ME3: variants seen among roughly 807,000 people sequenced by gnomAD.
ME3 encodes the protein NADP-dependent malic enzyme, mitochondrial.
In ME3, 48 loss-of-function variants were observed where a neutral mutation model predicts 68.9. The observed-to-expected ratio is 0.70, with a 90% CI of 0.55 to 0.89. ME3 has a LOEUF of 0.89. Ranked by LOEUF, ME3 falls within the 40% of genes least tolerant of loss-of-function variation. The pLI is 0.00. For synonymous variants in ME3, 320 were observed against 318.8 expected, an observed-to-expected ratio of 1.00 and a Z score of -0.04; for missense variants, 675 against 797.4, an observed-to-expected ratio of 0.85 and a Z score of 1.85.
chr11:86,575,446 T>G (rs1413840837), intron 2 of ME3, among the ~76,000 whole-genome samples: 1 of 147,514 alleles, frequency 6.8e-6, no homozygotes, highest in Non-Finnish European at 1.5e-5. Flanking sequence ...TGTAGGTGAT[T>G]CAGCAAAGAT....
chr11:86,643,309 G>A (rs1412513262), intron 2 of ME3, among the ~76,000 whole-genome samples: 2 of 25,446 alleles, frequency 7.9e-5, no homozygotes, highest in Non-Finnish European at 1.8e-4. Flanking sequence ...AGCAGCCCAT[G>A]CCCCCTACCC....
exon 5 of ME3, chr11:86,508,834 A>G: frequency 6.2e-6 from 10 of 1,613,808 alleles, no homozygotes; most frequent in Non-Finnish European, 8.5e-6. Flanking sequence ...TTGTTGCAAG[A>G]TGACCTTTGT....
chr11:86,450,965 C>T (rs1949599413), intron 8 of ME3, among the ~76,000 whole-genome samples: 3 of 152,296 alleles, frequency 2.0e-5, no homozygotes, highest in South Asian at 4.1e-4. Flanking sequence ...ACTTCTTCTC[C>T]CTGAATCCAC....
rs570114793 is a variant in ME3, at chr11:86,520,442, GAAAC to G, written c.468-11579_468-11576del. Reference sequence around the variant, plus strand: ...GTGGTTTTCTGATCTAGTCAGATCAGAAACAAACAAACAAAAAACCCCAAAAAAC... The same window carrying G: ...GTGGTTTTCTGATCTAGTCAGATCAGAAACAAACAAAAAACCCCAAAAAAC... On this transcript the variant is annotated intron_variant, in intron 4 of 14. Transcript: ENST00000543262. Among the ~76,000 whole-genome samples the G allele has an allele frequency of 3.6e-3, 555 of 152,302 alleles. 2 individuals carry two copies. The highest frequency in any genetic ancestry group is 5.4e-3 in the Non-Finnish European group (364 of 68,006).
At chr11:86,604,521 G>T (rs1031541383) in intron 2 of ME3, among the ~76,000 whole-genome samples, 1 of 152,100 alleles carries the variant, frequency 6.6e-6, no homozygotes, top group Non-Finnish European at 1.5e-5. Context: ...TTGTTCTGTT[G>T]AGAAACAACT....
chr11:86,521,423 C>CAAAAA (rs201957441), intron 4 of ME3, among the ~76,000 whole-genome samples: 1 of 85,982 alleles, frequency 1.2e-5, no homozygotes, highest in African/African-American at 5.0e-5. Context: ...CAAAACAAAA[C>CAAAAA]AAAACAAAAA....
intron 2 of ME3, among the ~76,000 whole-genome samples, chr11:86,651,257 A>T (rs1594785945): frequency 1.3e-5 from 2 of 152,322 alleles, no homozygotes; most frequent in East Asian, 3.9e-4. Context: ...TGGTTCTCCC[A>T]GCACGCAGCT....
intron 2 of ME3, among the ~76,000 whole-genome samples, chr11:86,651,781 A>G (rs1945450197): frequency 6.6e-6 from 1 of 152,254 alleles, no homozygotes; most frequent in Non-Finnish European, 1.5e-5. Context: ...AAGGCTTCAG[A>G]TGATCAAATG....
At chr11:86,671,645 C>T in intron 2 of ME3, 117 bp downstream of exon 2, 2 of 1,331,028 alleles carry the variant, frequency 1.5e-6, no homozygotes, top group Non-Finnish European at 1.0e-6. Context: ...AAGGCAAAAA[C>T]AGAAAAACCG....
chr11:86,655,240 A>G (rs906685151), intron 2 of ME3, among the ~76,000 whole-genome samples: 1 of 152,216 alleles, frequency 6.6e-6, no homozygotes, highest in African/African-American at 2.4e-5. Flanking sequence ...AGAATTGGAA[A>G]AAACTACTTT....
chr11:86,653,193 G>A (rs1268057947), intron 2 of ME3, among the ~76,000 whole-genome samples: 2 of 152,092 alleles, frequency 1.3e-5, no homozygotes, highest in African/African-American at 4.8e-5. Context: ...GAACGAGACA[G>A]AAAGTTAACA....
chr11:86,544,397 TACA>T (rs1565930407), intron 4 of ME3, among the ~76,000 whole-genome samples: 2 of 151,898 alleles, frequency 1.3e-5, no homozygotes, highest in Non-Finnish European at 2.9e-5. Flanking sequence ...ACAAAACAGA[TACA>T]CTGCTAGCCA....
chr11:86,592,280 G>C (rs534252121), intron 2 of ME3, among the ~76,000 whole-genome samples: 2 of 152,296 alleles, frequency 1.3e-5, no homozygotes, highest in Non-Finnish European at 2.9e-5. Context: ...TAAAGCACCA[G>C]ACAATTGCTT....
intron 4 of ME3, among the ~76,000 whole-genome samples, chr11:86,545,062 A>G (rs1282408960): frequency 2.0e-5 from 3 of 152,240 alleles, no homozygotes; most frequent in Admixed American, 6.5e-5. Context: ...AACAGAACCA[A>G]TGACAAAAAC....
chr11:86,651,339 C>T (rs964098155), intron 2 of ME3, among the ~76,000 whole-genome samples: 1 of 152,228 alleles, frequency 6.6e-6, no homozygotes, highest in African/African-American at 2.4e-5. Context: ...CTGGGAGGCA[C>T]CCCCAAGTAG....
At chr11:86,524,139 A>G (rs191903654) in intron 4 of ME3, among the ~76,000 whole-genome samples, 4 of 152,144 alleles carry the variant, frequency 2.6e-5, no homozygotes, top group Non-Finnish European at 4.4e-5. Flanking sequence ...ACATGCCTCC[A>G]CTTTATAAAA....
chr11:86,438,844 TTCTC>T (rs572222854), downstream of ME3, among the ~76,000 whole-genome samples: 3 of 151,434 alleles, frequency 2.0e-5, no homozygotes, highest in Admixed American at 6.6e-5. Context: ...AATAAGATCT[TTCTC>T]TCTCTCTCTC....
At chr11:86,574,543 T>G (rs1051697198) in intron 2 of ME3, among the ~76,000 whole-genome samples, 2 of 152,206 alleles carry the variant, frequency 1.3e-5, no homozygotes, top group Admixed American at 1.3e-4. Context: ...CCTGTTCACC[T>G]GGGTATCACC....
intron 2 of ME3, chr11:86,667,740 C>T (rs1946670475): frequency 6.6e-6 from 1 of 152,044 alleles, no homozygotes; most frequent in Non-Finnish European, 1.5e-5. Context: ...TAGGACGGCT[C>T]TTCCTAAAAG....
Sources: allele counts gnomAD v4.1 joint callset (sites outside exome capture counted in the v4.1 genomes callset), GRCh38; gene constraint gnomAD v4.1.1; transcripts MANE v1.5; gene names NCBI Gene and HGNC (gene_info 2026-07-23, HGNC 2026-07-21).